The following ERG variants were observed in gnomAD, a reference collection of about 807,000 sequenced individuals.
ERG encodes ETS transcription factor ERG.
In ERG, 9 loss-of-function variants were observed where a neutral mutation model predicts 55.3. That is an observed-to-expected ratio of 0.16 (90% CI 0.10 to 0.28). The LOEUF (loss-of-function observed/expected upper bound fraction) is 0.28. ERG is among the 10% of genes least tolerant of loss of function. The pLI, the probability that ERG is intolerant of heterozygous loss-of-function variation, is 1.00. For missense variants in ERG, 434 were observed against 631.6 expected, an observed-to-expected ratio of 0.69 and a Z score of 3.35; for synonymous variants, 223 against 237.3, an observed-to-expected ratio of 0.94 and a Z score of 0.55.
intron 2 of ERG, among the ~76,000 whole-genome samples, chr21:38,563,739 TTA>T (rs755836990): frequency 1.2e-4 from 18 of 152,214 alleles, no homozygotes; most frequent in Non-Finnish European, 2.6e-4. Context: ...GCAAAAATGA[TTA>T]TGTGATCACT....
intron 1 of ERG, among the ~76,000 whole-genome samples, chr21:38,654,309 C>T (rs1248543340): frequency 6.6e-6 from 1 of 152,168 alleles, no homozygotes; most frequent in South Asian, 2.1e-4. Flanking sequence ...GAAATCCTGT[C>T]TCTACTACAA....
intron 2 of ERG, among the ~76,000 whole-genome samples, chr21:38,541,891 G>A (rs1021592930): frequency 2.0e-5 from 3 of 147,754 alleles, no homozygotes; most frequent in African/African-American, 5.0e-5. Context: ...CTGCACATCC[G>A]GCACATATAT....
intron 1 of ERG, among the ~76,000 whole-genome samples, chr21:38,638,398 G>A (rs187793910): frequency 6.6e-6 from 1 of 152,274 alleles, no homozygotes; most frequent in African/African-American, 2.4e-5. Flanking sequence ...GCACCCCGTG[G>A]TAGAATGCAG....
intron 1 of ERG, among the ~76,000 whole-genome samples, chr21:38,593,578 T>C (rs2060114144): frequency 6.6e-6 from 1 of 152,140 alleles, no homozygotes; most frequent in Non-Finnish European, 1.5e-5. Flanking sequence ...AAGAAGCAAA[T>C]GCATAGACAA....
At position 38,403,409 on chromosome 21, in the gene ERG, G is replaced by T. The variant is rs183645442; in HGVS notation, c.592+97C>A. On this transcript the variant is annotated intron_variant, in intron 4 of 9. Transcript: ENST00000288319. The stretch of plus-strand genomic sequence containing the variant: ...CCCCAGTGGGAACTGGGCGAGGGCA[G>T]GAGGATGCTGTCGACACACCTGGTT... 121 of 1,204,364 alleles carry T rather than the reference G, an allele frequency of 1.0e-4. 1 individual carries two copies. The African/African-American group carries it at 1.6e-3, about 16-fold the overall frequency. The allele number at this position is 1,204,364 out of a possible 1,614,324, so 74.6% of individuals were successfully genotyped here.
upstream of ERG, among the ~76,000 whole-genome samples, chr21:38,503,164 C>G (rs548601859): frequency 2.0e-4 from 31 of 151,888 alleles, no homozygotes; most frequent in Non-Finnish European, 3.4e-4. Context: ...CTTATATTTT[C>G]AAAACATAAA....
intron 1 of ERG, among the ~76,000 whole-genome samples, chr21:38,642,186 G>C (rs1180595626): frequency 6.6e-6 from 1 of 152,220 alleles, no homozygotes; most frequent in Non-Finnish European, 1.5e-5. Flanking sequence ...ACAGGTGCCA[G>C]CACATATATA....
At chr21:38,507,575 G>A (rs1257410981) in intron 2 of ERG, among the ~76,000 whole-genome samples, 2 of 151,922 alleles carry the variant, frequency 1.3e-5, no homozygotes, top group African/African-American at 2.4e-5. Flanking sequence ...CGGCCACAGA[G>A]CCCAGGAGTA....
chr21:38,449,056 G>C (rs2058917549), intron 1 of ERG: 1 of 152,178 alleles, frequency 6.6e-6, no homozygotes, highest in African/African-American at 2.4e-5. Flanking sequence ...GTAGGCAGCT[G>C]CCTTAGTTAG....
intron 1 of ERG, among the ~76,000 whole-genome samples, chr21:38,631,685 C>T (rs939155306): frequency 2.0e-5 from 3 of 152,076 alleles, no homozygotes; most frequent in African/African-American, 7.2e-5. Context: ...CGTTTTCACC[C>T]CTCATTTTGG....
At position 38,380,751 on chromosome 21, in the gene ERG, C is replaced by T. The variant is rs6517463; in HGVS notation, c.*2652G>A. On this transcript the variant is annotated 3_prime_UTR_variant, in exon 10 of 10. Transcript: ENST00000288319. ...TCATAAGACTTGCTAATAACCTGGA[C>T]TGGGGGTGGAGGGTTGAGGGATCTA... The T allele has an allele frequency of 0.26, 281,005 of 1,063,766 alleles. 38,905 individuals carry two copies. Among genetic ancestry groups the T allele is most frequent in the African/African-American group, 0.46 (27,899 of 60,994 alleles). The allele number at this position is 1,063,766 out of a possible 1,614,324, so 65.9% of individuals were successfully genotyped here.
At chr21:38,558,254 C>A (rs781022596) in intron 2 of ERG, among the ~76,000 whole-genome samples, 8 of 152,104 alleles carry the variant, frequency 5.3e-5, no homozygotes, top group Non-Finnish European at 7.4e-5. Context: ...AGAAAGGGGA[C>A]CAACCACACC....
chr21:38,506,963 A>C (rs2059465983), intron 2 of ERG, among the ~76,000 whole-genome samples: 1 of 152,146 alleles, frequency 6.6e-6, no homozygotes, highest in Non-Finnish European at 1.5e-5. Context: ...TTTAAAAGGA[A>C]ACAAACATAA....
At chr21:38,445,306 AG>A (rs1482322990) in intron 2 of ERG, 97 bp downstream of exon 2, 1 of 952,908 alleles carries the variant, frequency 1.0e-6, no homozygotes, top group Non-Finnish European at 1.6e-6. Context: ...TTGCTTTCTA[AG>A]TCAATCTTTA....
intron 1 of ERG, among the ~76,000 whole-genome samples, chr21:38,600,532 T>A (rs1243708057): frequency 2.0e-5 from 3 of 152,186 alleles, no homozygotes; most frequent in Non-Finnish European, 2.9e-5. Context: ...CCATCCCATG[T>A]GGCGACTCCC....
intron 9 of ERG, among the ~76,000 whole-genome samples, chr21:38,388,108 G>A (rs1176323404): frequency 6.6e-6 from 1 of 152,230 alleles, no homozygotes; most frequent in African/African-American, 2.4e-5. Flanking sequence ...AGCCTGGTCT[G>A]TCGTTCTGCA....
At chr21:38,559,382 CCTTT>C (rs2059878380) in intron 2 of ERG, among the ~76,000 whole-genome samples, 1 of 103,414 alleles carries the variant, frequency 9.7e-6, no homozygotes, top group African/African-American at 5.0e-5. Context: ...ATCCCATTTC[CCTTT>C]TTTTTTTTTT....
chr21:38,488,803 AG>A (rs1458589078), intron 1 of ERG, among the ~76,000 whole-genome samples: 1 of 152,276 alleles, frequency 6.6e-6, no homozygotes, highest in Non-Finnish European at 1.5e-5. Context: ...AAGGAGACAG[AG>A]GTGCCTACGG....
chr21:38,555,985 C>T (rs1398529585), intron 2 of ERG, among the ~76,000 whole-genome samples: 1 of 152,022 alleles, frequency 6.6e-6, no homozygotes, highest in African/African-American at 2.4e-5. Context: ...TAGATTTAAT[C>T]AAAGATAGTT....
Sources: allele counts gnomAD v4.1 joint callset (sites outside exome capture counted in the v4.1 genomes callset), GRCh38; gene constraint gnomAD v4.1.1; transcripts MANE v1.5; gene names NCBI Gene and HGNC (gene_info 2026-07-23, HGNC 2026-07-21).